LHX8: variants seen among roughly 807,000 people sequenced by gnomAD.
LHX8 encodes the protein LIM/homeobox protein Lhx8.
A neutral mutation model predicts 40.3 loss-of-function variants in LHX8; 12 were observed. The ratio of observed to expected loss-of-function variants is 0.30; its 90% CI spans 0.19 to 0.48. The LOEUF (loss-of-function observed/expected upper bound fraction) is 0.48. Among genes scored for constraint, LHX8 ranks in the 20% least tolerant of loss-of-function variants. LHX8 has a pLI of 0.99. For synonymous variants in LHX8, 179 were observed against 162.0 expected (o/e 1.10, Z -0.80); for missense variants, 344 against 433.7 (o/e 0.79, Z 1.84).
chr1:75,158,674 G>A (rs1322921071), intron 8 of LHX8, among the ~76,000 whole-genome samples: 1 of 152,086 alleles, frequency 6.6e-6, no homozygotes, highest in Admixed American at 6.6e-5. Flanking sequence ...CGTATGTTGT[G>A]TCAATTTCTG....
chr1:75,186,019 C>T, the LHX8 span, among the ~76,000 whole-genome samples: 1 of 152,040 alleles, frequency 6.6e-6, no homozygotes, highest in Non-Finnish European at 1.5e-5. Flanking sequence ...TTGAGAATTA[C>T]AAAACAATGC....
intron 3 of LHX8, among the ~76,000 whole-genome samples, chr1:75,137,507 G>C (rs188123539): frequency 2.1e-4 from 32 of 152,318 alleles, no homozygotes; most frequent in Admixed American, 2.1e-3. Flanking sequence ...GGACGCGCCG[G>C]ATGTGTGTGG....
chr1:75,139,425 C>T (rs1276943573), intron 3 of LHX8, among the ~76,000 whole-genome samples: 1 of 152,112 alleles, frequency 6.6e-6, no homozygotes, highest in African/African-American at 2.4e-5. Flanking sequence ...GGCCATGGCT[C>T]TTCCCCTAAA....
chr1:75,168,562 T>G, the LHX8 span, among the ~76,000 whole-genome samples: 131 of 152,300 alleles, frequency 8.6e-4, no homozygotes, highest in Middle Eastern at 3.4e-3. Flanking sequence ...GATAATCTGC[T>G]GTCAACCCCT....
upstream of LHX8, chr1:75,131,877 G>A (rs1021855064): frequency 6.6e-6 from 1 of 152,198 alleles, no homozygotes; most frequent in Admixed American, 6.5e-5. Flanking sequence ...CACCTTGGGT[G>A]GGCCTGCCGC....
intron 3 of LHX8, among the ~76,000 whole-genome samples, chr1:75,140,615 T>A (rs997092469): frequency 6.6e-6 from 1 of 152,152 alleles, no homozygotes; most frequent in African/African-American, 2.4e-5. Flanking sequence ...TGGGAAGAAC[T>A]TGGTAAAATA....
chr1:75,136,361 CGGAGCCCGG>C (rs1648127691), intron 1 of LHX8, among the ~76,000 whole-genome samples: 1 of 151,942 alleles, frequency 6.6e-6, no homozygotes, highest in Admixed American at 6.6e-5. Flanking sequence ...GCCGGAGACC[CGGAGCCCGG>C]GGAGCGCGGG....
intron 2 of LHX8, 59 bp from the exon 3 acceptor site, chr1:75,137,041 G>A: frequency 6.5e-7 from 1 of 1,538,348 alleles, no homozygotes; most frequent in South Asian, 1.2e-5. Flanking sequence ...CTTGTGGGTA[G>A]GTGGGATGCG....
chr1:75,141,421 T>C (rs1311273019), intron 4 of LHX8, among the ~76,000 whole-genome samples: 1 of 152,138 alleles, frequency 6.6e-6, no homozygotes, highest in African/African-American at 2.4e-5. Context: ...ACAAGATGAC[T>C]TATGACAACG....
At chr1:75,137,289 C>G in intron 3 of LHX8, 28 bp downstream of exon 3, 1 of 1,608,450 alleles carries the variant, frequency 6.2e-7, no homozygotes, top group Non-Finnish European at 8.5e-7. Flanking sequence ...GTGCGAGGCC[C>G]AAGGGGAGCG....
chr1:75,190,867 T>TAAGATATTAGC, the LHX8 span, among the ~76,000 whole-genome samples: 2 of 152,200 alleles, frequency 1.3e-5, no homozygotes, highest in Admixed American at 1.3e-4. Flanking sequence ...CTGTGTAATG[T>TAAGATATTAGC]AAGATATTAG....
the LHX8 span, among the ~76,000 whole-genome samples, chr1:75,185,135 G>T: frequency 4.7e-5 from 7 of 149,028 alleles, no homozygotes; most frequent in African/African-American, 1.8e-4. Context: ...CAAAAAAAAA[G>T]CTCAGGACCA....
chr1:75,130,508 T>G (rs1165353209), upstream of LHX8: 2 of 624,180 alleles, frequency 3.2e-6, no homozygotes, highest in East Asian at 2.7e-5. Context: ...GGGAAGCCCA[T>G]CAAACCTCAG....
At position 75,137,131 on chromosome 1, in the gene LHX8, C is replaced by G. The variant is rs1173451037; in HGVS notation, c.107C>G (p.Ser36Trp). ...CCCGAGGGAGCGGGGGACGAGGACT[C>G]GTGCTCCTCCTCGGCCCCGCTGTCC... The part of the protein sequence containing the change: ...VSPEGAGDED[S>W]CSSSAPLSPS... Residue 36 changes from serine (S) to tryptophan (W), a missense_variant, in exon 3 of 9, where the codon TCG (serine) becomes TGG (tryptophan). Physicochemically the swap from Ser to Trp is radical, Grantham distance 177 (BLOSUM62 -3). This residue lies in a region of LHX8 where 108 missense variants were observed against 90.1 expected (regional missense o/e 1.20). Transcript: ENST00000356261. 1 of 1,610,922 alleles carries G rather than the reference C, an allele frequency of 6.2e-7. No homozygotes were observed. Among genetic ancestry groups the G allele is most frequent in the East Asian group, 2.2e-5 (1 of 44,788 alleles).
chr1:75,170,745 A>G, the LHX8 span, among the ~76,000 whole-genome samples: 6 of 152,146 alleles, frequency 3.9e-5, no homozygotes, highest in Admixed American at 3.3e-4. Context: ...GTCTCTCCTA[A>G]GCTTCCTGGA....
At chr1:75,138,440 T>C (rs1409186419) in intron 3 of LHX8, among the ~76,000 whole-genome samples, 1 of 152,194 alleles carries the variant, frequency 6.6e-6, no homozygotes, top group Non-Finnish European at 1.5e-5. Flanking sequence ...GAAGAAGTTT[T>C]GGTAAAAAGA....
At chr1:75,163,105 C>A (rs1045534715), downstream of LHX8, among the ~76,000 whole-genome samples, 1 of 148,954 alleles carries the variant, frequency 6.7e-6, no homozygotes, top group Middle Eastern at 3.3e-3. Flanking sequence ...TTAAGTGATT[C>A]TTTTTATTTG....
chr1:75,190,216 C>A, the LHX8 span, among the ~76,000 whole-genome samples: 1 of 152,024 alleles, frequency 6.6e-6, no homozygotes, highest in South Asian at 2.1e-4. Flanking sequence ...AGAGTGTAGA[C>A]GGACTCTTTA....
At chr1:75,157,227 C>T (rs1354573532) in intron 8 of LHX8, 151 bp downstream of exon 8, 3 of 817,558 alleles carry the variant, frequency 3.7e-6, no homozygotes, top group African/African-American at 3.4e-5. Context: ...GCAAAATTAT[C>T]CAAACATTTT....
Sources: allele counts gnomAD v4.1 joint callset (sites outside exome capture counted in the v4.1 genomes callset), GRCh38; gene constraint gnomAD v4.1.1; regional missense constraint gnomAD v4.1.1; transcripts MANE v1.5; gene names NCBI Gene and HGNC (gene_info 2026-07-23, HGNC 2026-07-21).